The following NRXN1 variants were observed in gnomAD, a reference collection of about 807,000 sequenced individuals.
NRXN1 encodes the protein neurexin-1.
NRXN1 carries 39 observed loss-of-function variants against 150.9 expected under a neutral mutation model. That is an observed-to-expected ratio of 0.26 (90% CI 0.20 to 0.34). The LOEUF is 0.34. Among genes scored for constraint, NRXN1 ranks in the 10% least tolerant of loss-of-function variants. The probability of loss-of-function intolerance (pLI) is 1.00; values close to 1 mark genes in which losing one functional copy is unlikely to be tolerated. For missense variants in NRXN1, 1,815 were observed against 1,949.9 expected, an observed-to-expected ratio of 0.93 and a Z score of 1.30; for synonymous variants, 924 against 757.0, an observed-to-expected ratio of 1.22 and a Z score of -3.62.
At chr2:50,094,351 A>G (rs1038397748) in intron 18 of NRXN1, among the ~76,000 whole-genome samples, 1 of 152,192 alleles carries the variant, frequency 6.6e-6, no homozygotes, top group Admixed American at 6.5e-5. Flanking sequence ...GAGACTGACA[A>G]TTAGAAGAGG....
At chr2:49,960,797 G>A (rs1675803347) in intron 21 of NRXN1, among the ~76,000 whole-genome samples, 1 of 152,114 alleles carries the variant, frequency 6.6e-6, no homozygotes, top group Non-Finnish European at 1.5e-5. Flanking sequence ...AAATGGTTCA[G>A]CTAATGCTTC....
chr2:50,076,406 C>T (rs138021048), intron 19 of NRXN1, among the ~76,000 whole-genome samples: 51 of 152,296 alleles, frequency 3.3e-4, no homozygotes, highest in African/African-American at 9.4e-4. Context: ...TCAGCACTTA[C>T]TACTTACCAG....
At chr2:50,176,152 T>C (rs1008992896) in intron 18 of NRXN1, among the ~76,000 whole-genome samples, 3 of 152,154 alleles carry the variant, frequency 2.0e-5, no homozygotes, top group Admixed American at 1.3e-4. Flanking sequence ...TCTTCCACCA[T>C]ACAAGTTAAG....
chr2:50,839,069 A>C (rs963024072), intron 5 of NRXN1, among the ~76,000 whole-genome samples: 3 of 152,146 alleles, frequency 2.0e-5, no homozygotes, highest in African/African-American at 7.2e-5. Context: ...TGGAGAACTG[A>C]CAGATTGGAA....
intron 5 of NRXN1, among the ~76,000 whole-genome samples, chr2:50,663,617 C>T (rs1186107395): frequency 1.3e-5 from 2 of 151,988 alleles, no homozygotes; most frequent in Non-Finnish European, 2.9e-5. Flanking sequence ...ACTAATTTCA[C>T]AATTACTTGC....
chr2:50,307,567 T>A (rs533933111), intron 17 of NRXN1, among the ~76,000 whole-genome samples: 1 of 152,294 alleles, frequency 6.6e-6, no homozygotes, highest in South Asian at 2.1e-4. Flanking sequence ...TTCATAAAAA[T>A]CTGAGATGTT....
intron 17 of NRXN1, among the ~76,000 whole-genome samples, chr2:50,411,335 T>C (rs947094698): frequency 6.6e-6 from 1 of 152,264 alleles, no homozygotes; most frequent in Admixed American, 6.5e-5. Flanking sequence ...GTGCTCAATG[T>C]TGCCCAGGCT....
At chr2:50,238,359 A>G (rs1450540293) in intron 17 of NRXN1, among the ~76,000 whole-genome samples, 1 of 151,958 alleles carries the variant, frequency 6.6e-6, no homozygotes, top group African/African-American at 2.4e-5. Context: ...TAAAATCTAC[A>G]TCGTTGTTTC....
chr2:50,531,463 G>A, intron 10 of NRXN1, 33 bp from the exon 11 acceptor site: 1 of 1,519,986 alleles, frequency 6.6e-7, no homozygotes, highest in Non-Finnish European at 9.0e-7. Context: ...ATAAGTTCTT[G>A]GATGGTATAG....
chr2:50,835,702 T>C (rs887059242), intron 5 of NRXN1, among the ~76,000 whole-genome samples: 10 of 152,318 alleles, frequency 6.6e-5, no homozygotes, highest in Admixed American at 6.5e-4. Context: ...AATCTTTAAA[T>C]GCTAAAAGAA....
At chr2:50,134,780 T>TTTGTA in intron 18 of NRXN1, among the ~76,000 whole-genome samples, 1 of 152,086 alleles carries the variant, frequency 6.6e-6, no homozygotes. Flanking sequence ...ACAAACTGAG[T>TTTGTA]CGCAGGTTGT....
rs201960393 is a variant in NRXN1 at position 50,538,485 on chromosome 2, G to A, written c.1911C>T (p.Asn637=). The A allele has an allele frequency of 8.1e-6, 13 of 1,613,820 alleles. No individual in the cohort carries two copies. Among genetic ancestry groups the A allele is most frequent in the Non-Finnish European group, 1.0e-5 (12 of 1,179,812 alleles). Residue 637 remains asparagine (N), a synonymous_variant, in exon 10 of 23, where the codon AAC becomes AAT. Coordinates refer to ENST00000401669, the MANE Select transcript of NRXN1 (RefSeq NM_001330078.2). ...CCCTGATGCAGCCCACGTAGCCATA[G>A]TTGAGCAGAGCAGTCCACACCTCGG... The part of the protein sequence containing the change: ...FPTEVWTALL[N]YGYVGCIRDL...
At chr2:50,719,278 G>A (rs1165104910) in intron 5 of NRXN1, among the ~76,000 whole-genome samples, 4 of 150,988 alleles carry the variant, frequency 2.6e-5, no homozygotes, top group East Asian at 1.9e-4. Context: ...GAATGTGGGG[G>A]AAAATAATAT....
intron 5 of NRXN1, among the ~76,000 whole-genome samples, chr2:50,777,737 T>G (rs1161481054): frequency 6.6e-6 from 1 of 152,052 alleles, no homozygotes; most frequent in East Asian, 1.9e-4. Flanking sequence ...TTCTAACCAG[T>G]ATAAGTCCAC....
intron 18 of NRXN1, among the ~76,000 whole-genome samples, chr2:50,220,013 T>A (rs1423548422): frequency 9.9e-6 from 1 of 100,554 alleles, no homozygotes; most frequent in East Asian, 2.5e-4. Flanking sequence ...ATATAATATA[T>A]TATATATATA....
At chr2:50,465,006 C>A (rs1216866447) in intron 17 of NRXN1, among the ~76,000 whole-genome samples, 1 of 151,614 alleles carries the variant, frequency 6.6e-6, no homozygotes. Context: ...AAGTAAAAGG[C>A]AGCAATGGGC....
intron 5 of NRXN1, among the ~76,000 whole-genome samples, chr2:50,899,526 T>C (rs1235382108): frequency 6.6e-6 from 1 of 152,128 alleles, no homozygotes; most frequent in African/African-American, 2.4e-5. Flanking sequence ...TATATTACTG[T>C]ATAAGGGTAA....
intron 18 of NRXN1, among the ~76,000 whole-genome samples, chr2:50,146,127 C>A (rs759860854): frequency 6.6e-6 from 1 of 151,474 alleles, no homozygotes; most frequent in Non-Finnish European, 1.5e-5. Context: ...GGAGAGAAGG[C>A]GGGTTAAACT....
chr2:50,569,698 T>C (rs776078703), intron 8 of NRXN1, among the ~76,000 whole-genome samples: 1 of 152,106 alleles, frequency 6.6e-6, no homozygotes, highest in East Asian at 1.9e-4. Context: ...GGTATTTTTA[T>C]AAAATTGTGA....
Sources: gnomAD v4.1 joint callset for allele counts (sites outside exome capture counted in the v4.1 genomes callset) on GRCh38, gnomAD v4.1.1 for gene constraint, MANE v1.5 for transcripts, NCBI Gene and HGNC (gene_info 2026-07-23, HGNC 2026-07-21) for gene names.